The following CACNA1B variants were observed in gnomAD, a reference collection of about 807,000 sequenced individuals.
CACNA1B encodes the protein voltage-dependent N-type calcium channel subunit alpha-1B.
In CACNA1B, 70 loss-of-function variants were observed where a neutral mutation model predicts 247.2. The observed-to-expected ratio is 0.28, with a 90% CI of 0.23 to 0.35. The LOEUF (loss-of-function observed/expected upper bound fraction) is 0.35, where lower values mean the gene tolerates loss of function less well. CACNA1B is among the 10% of genes least tolerant of loss of function. The pLI is 1.00. For missense variants in CACNA1B, 2,367 were observed against 3,197.4 expected (o/e 0.74, Z 6.26); for synonymous variants, 1,231 against 1,294.4 (o/e 0.95, Z 1.05).
At chr9:138,033,815 A>G (rs974550185) in intron 20 of CACNA1B, among the ~76,000 whole-genome samples, 1 of 151,874 alleles carries the variant, frequency 6.6e-6, no homozygotes, top group Non-Finnish European at 1.5e-5. Context: ...AGGGGAAACC[A>G]CCCCCATGAT....
chr9:138,114,254 C>G (rs1459554325), intron 40 of CACNA1B, 124 bp from the exon 41 acceptor site: 2 of 630,614 alleles, frequency 3.2e-6, no homozygotes, highest in Non-Finnish European at 5.8e-6. Context: ...TGTCCCAGTG[C>G]ATTTCCAGGA....
chr9:138,117,364 A>T (rs1248428170), intron 42 of CACNA1B, among the ~76,000 whole-genome samples: 4 of 152,108 alleles, frequency 2.6e-5, no homozygotes, highest in Non-Finnish European at 5.9e-5. Flanking sequence ...AGGAAGCCCA[A>T]AGAGTCCCGG....
At chr9:138,029,265 GTCT>G (rs1958958724) in intron 20 of CACNA1B, among the ~76,000 whole-genome samples, 1 of 152,176 alleles carries the variant, frequency 6.6e-6, no homozygotes, top group South Asian at 2.1e-4. Flanking sequence ...TAATTAGAAT[GTCT>G]TCTTGTGCTC....
intron 23 of CACNA1B, 57 bp from the exon 24 acceptor site, chr9:138,049,152 G>C (rs1429026221): frequency 8.7e-7 from 1 of 1,144,714 alleles, no homozygotes; most frequent in Non-Finnish European, 1.3e-6. Flanking sequence ...TCTGCACCTG[G>C]CCTCTGCCTG....
At position 137,986,735 on chromosome 9, in the gene CACNA1B, C is replaced by T. The variant is rs201185091; in HGVS notation, c.1902-47C>T. 1.3e-5 allele frequency: 19 copies of T among 1,513,182 alleles called. No individual in the cohort carries two copies. The highest frequency in any genetic ancestry group is 4.5e-5 in the South Asian group (4 of 88,926). 93.7% of individuals were successfully genotyped at this position (1,513,182 alleles called of 1,614,324 possible). On this transcript the variant is annotated intron_variant, in intron 14 of 46. Coordinates refer to ENST00000371372, the MANE Select transcript of CACNA1B (RefSeq NM_000718.4). This position sits in a 1 kb window ranked among gnomAD's most constrained non-coding sequence, Gnocchi z 6.0. ...ACGCTGGAGCCTGCAGGCGCTGCCT[C>T]GCTGCTGACGGGACTGCCACTTCCC...
rs1960410955 is a variant in CACNA1B at position 138,078,657 on chromosome 9, T to C, written c.5094+399T>C. ...AGGTGTGGATTTTATTTCACATCCA[T>C]GGAAGCCTCTGGGGGCCTCACAGCA... On this transcript the variant is annotated intron_variant, in intron 36 of 46. Coordinates refer to ENST00000371372, the MANE Select transcript of CACNA1B (RefSeq NM_000718.4). 2.6e-5 allele frequency among the ~76,000 whole-genome samples: 4 copies of C among 151,982 alleles called. No individual in the cohort carries two copies. The South Asian group carries it at 8.3e-4, about 32-fold the overall frequency.
At chr9:138,015,896 C>T (rs1958785297) in intron 18 of CACNA1B, among the ~76,000 whole-genome samples, 1 of 152,120 alleles carries the variant, frequency 6.6e-6, no homozygotes, top group African/African-American at 2.4e-5. Flanking sequence ...TGAACACTGG[C>T]AGCCTGCAGA....
chr9:138,094,264 G>C (rs557773436), intron 36 of CACNA1B, among the ~76,000 whole-genome samples: 56 of 151,990 alleles, frequency 3.7e-4, no homozygotes, highest in Non-Finnish European at 7.1e-4. Flanking sequence ...TCCAGGGGAG[G>C]ATGGATGAGG....
intron 6 of CACNA1B, among the ~76,000 whole-genome samples, chr9:137,933,377 G>T (rs1225582218): frequency 6.6e-6 from 1 of 152,144 alleles, no homozygotes; most frequent in Non-Finnish European, 1.5e-5. Flanking sequence ...AGGTTCCAAG[G>T]ACCGGACCAG....
intron 35 of CACNA1B, 146 bp downstream of exon 35, chr9:138,076,056 G>A (rs1328813181): frequency 4.8e-6 from 3 of 631,018 alleles, no homozygotes. Flanking sequence ...AGGCCTTTCT[G>A]GTTCTTCCCC....
intron 3 of CACNA1B, among the ~76,000 whole-genome samples, chr9:137,900,602 CGTGTGTCTCTGTGTCTGTGTAT>C (rs1466135883): frequency 1.1e-4 from 15 of 133,006 alleles, no homozygotes; most frequent in South Asian, 2.5e-4. Context: ...ATGTCTGTGC[CGTGTGTCTCTGTGTCTGTGTAT>C]GTGTGTCTCT....
intron 39 of CACNA1B, among the ~76,000 whole-genome samples, chr9:138,110,767 C>T (rs1414352072): frequency 6.6e-6 from 1 of 151,992 alleles, no homozygotes; most frequent in African/African-American, 2.4e-5. Flanking sequence ...AAAGACAAGC[C>T]TAAAATTGGA....
In CACNA1B at chr9:138,012,541, C is replaced by A. The variant is rs1055313475; in HGVS notation, c.2161-588C>A. Among the ~76,000 whole-genome samples the A allele has an allele frequency of 2.6e-5, 4 of 151,760 alleles. No individual in the cohort carries two copies. Among genetic ancestry groups the A allele is most frequent in the African/African-American group, 7.3e-5 (3 of 41,314 alleles). ...GGAGGATCACTTGAGCCTAGGAATT[C>A]AAGAAAAATTAAATTAAAAAAATTT... On this transcript the variant is annotated intron_variant, in intron 17 of 46. Coordinates refer to ENST00000371372, the MANE Select transcript of CACNA1B (RefSeq NM_000718.4). This position sits in a 1 kb window ranked among gnomAD's most constrained non-coding sequence, Gnocchi z 4.2.
Position 137,957,638 on chromosome 9 carries a change from G to A in CACNA1B, c.1284G>A (p.Leu428=), listed in dbSNP as rs1472767756. The change falls in exon 10 of 47, where the codon CTG becomes CTA. Residue 428 remains leucine, a synonymous_variant. Coordinates refer to ENST00000371372, the MANE Select transcript of CACNA1B (RefSeq NM_000718.4). The surrounding 1 kb of genome is among the most constrained non-coding windows in gnomAD (Gnocchi z 4.7). The part of the protein sequence containing the change: ...RAATKKSRND[L]IHAEEGEDRF... ...CCACCAAGAAGAGCAGAAATGACCT[G>A]ATCCACGCAGAGGAGGGAGAGGACC... 13 of 1,603,530 alleles carry A rather than the reference G, an allele frequency of 8.1e-6. No individual in the cohort carries two copies. In the South Asian group the frequency reaches 1.1e-4, roughly 14 times the overall value.
chr9:137,908,132 G>C (rs1250235527), intron 3 of CACNA1B, among the ~76,000 whole-genome samples: 1 of 152,224 alleles, frequency 6.6e-6, no homozygotes, highest in African/African-American at 2.4e-5. Flanking sequence ...AGCATCGCTT[G>C]ACTGTTCATG....
intron 35 of CACNA1B, 67 bp from the exon 36 acceptor site, chr9:138,078,047 T>C: frequency 7.5e-6 from 11 of 1,475,198 alleles, no homozygotes; most frequent in Non-Finnish European, 1.0e-5. Context: ...GCACGCTTGG[T>C]AGCCCCACAG....
chr9:137,989,227 A>G (rs1958403045), intron 15 of CACNA1B, among the ~76,000 whole-genome samples: 1 of 152,218 alleles, frequency 6.6e-6, no homozygotes. Flanking sequence ...AGAACAAAGA[A>G]AAGACCTAAA....
rs568013357 is a variant in CACNA1B, at chr9:138,113,818, G to A, written c.5537-560G>A. 1.7e-3 allele frequency among the ~76,000 whole-genome samples: 230 copies of A among 132,736 alleles called. 1 individual carries two copies. Among genetic ancestry groups the A allele is most frequent in the Admixed American group, 2.9e-3 (40 of 13,622 alleles). The allele number at this position is 132,736 out of a possible 152,430, so 87.1% of individuals were successfully genotyped here. A position where few individuals can be genotyped will look rare whatever the true frequency, so the allele number is the denominator to read the frequency against. ...CATCTTGTGGGAGACGTGAGGGAGC[G>A]CCGGGAGGTGCCCAACTCCATCTTG... On this transcript the variant is annotated intron_variant, in intron 40 of 46. Coordinates refer to ENST00000371372, the MANE Select transcript of CACNA1B (RefSeq NM_000718.4).
intron 37 of CACNA1B, among the ~76,000 whole-genome samples, chr9:138,097,370 A>G (rs1232486790): frequency 6.6e-6 from 1 of 152,168 alleles, no homozygotes; most frequent in Non-Finnish European, 1.5e-5. Flanking sequence ...CCCGTACAGC[A>G]TGGCATCTCA....
Sources: gnomAD v4.1 joint callset for allele counts (sites outside exome capture counted in the v4.1 genomes callset) on GRCh38, gnomAD v4.1.1 for gene constraint, Gnocchi (gnomAD v3.1) non-coding constraint, MANE v1.5 for transcripts, NCBI Gene and HGNC (gene_info 2026-07-23, HGNC 2026-07-21) for gene names.